The following STK3 variants were observed in gnomAD, a reference collection of about 807,000 sequenced individuals.
STK3 encodes serine/threonine kinase 3, also known as serine/threonine-protein kinase 3.
In STK3, 41 loss-of-function variants were observed where a neutral mutation model predicts 58.0. The ratio of observed to expected loss-of-function variants is 0.71; its 90% confidence interval spans 0.55 to 0.92. STK3 has a LOEUF of 0.92. STK3 is among the 40% of genes least tolerant of loss of function. The pLI, the probability that STK3 is intolerant of heterozygous loss-of-function variation, is 0.00. For synonymous variants in STK3, 170 were observed against 191.0 expected (o/e 0.89, Z 0.91); for missense variants, 479 against 602.7 (o/e 0.79, Z 2.15).
At chr8:98,871,191 C>G (rs990970295) in intron 3 of STK3, among the ~76,000 whole-genome samples, 1 of 152,114 alleles carries the variant, frequency 6.6e-6, no homozygotes, top group Non-Finnish European at 1.5e-5. Context: ...CTATTCTGTT[C>G]CATTGGTCCA....
At chr8:98,907,365 T>A (rs185089569) in intron 1 of STK3, among the ~76,000 whole-genome samples, 6 of 151,928 alleles carry the variant, frequency 3.9e-5, no homozygotes, top group Non-Finnish European at 7.4e-5. Flanking sequence ...TACAAAAAAA[T>A]TAGCCAGGCG....
chr8:98,657,988 C>G (rs533329628), intron 6 of STK3, among the ~76,000 whole-genome samples: 7 of 152,004 alleles, frequency 4.6e-5, no homozygotes, highest in African/African-American at 1.7e-4. Context: ...TTAGGAGAAT[C>G]AGTATATTGC....
At chr8:98,459,426 G>A (rs1586610829) in intron 10 of STK3, among the ~76,000 whole-genome samples, 1 of 152,224 alleles carries the variant, frequency 6.6e-6, no homozygotes. Flanking sequence ...AAGGGAAGCA[G>A]AGCATAAAAG....
intron 3 of STK3, among the ~76,000 whole-genome samples, chr8:98,860,382 G>A (rs1429791272): frequency 6.6e-6 from 1 of 152,182 alleles, no homozygotes; most frequent in Non-Finnish European, 1.5e-5. Flanking sequence ...CGCCCAAGAA[G>A]AGCTTTCTAG....
chr8:98,605,882 A>G (rs779643123), intron 6 of STK3, among the ~76,000 whole-genome samples: 1 of 152,100 alleles, frequency 6.6e-6, no homozygotes, highest in Non-Finnish European at 1.5e-5. Context: ...GTGGTTGTTA[A>G]AAGTGTGTAG....
intron 1 of STK3, among the ~76,000 whole-genome samples, chr8:98,889,096 A>G (rs777624489): frequency 6.6e-5 from 10 of 152,326 alleles, no homozygotes; most frequent in South Asian, 2.1e-4. Context: ...CAGACAAATT[A>G]CATCAAAACA....
chr8:98,856,970 A>G (rs1836708086), intron 3 of STK3, among the ~76,000 whole-genome samples: 1 of 152,246 alleles, frequency 6.6e-6, no homozygotes. Flanking sequence ...ACTACATACC[A>G]TAGGATTCCA....
chr8:98,760,010 T>C (rs1217486412), intron 3 of STK3, among the ~76,000 whole-genome samples: 6 of 151,934 alleles, frequency 3.9e-5, no homozygotes, highest in Non-Finnish European at 8.8e-5. Flanking sequence ...ATTGTTATAC[T>C]GCATTGGTTT....
intron 1 of STK3, among the ~76,000 whole-genome samples, chr8:98,939,353 AAC>A (rs77669927): frequency 0.05 from 7,544 of 151,336 alleles, 209 homozygotes; most frequent in African/African-American, 0.07. Flanking sequence ...GGCTTGCTCA[AAC>A]ACAGATTGCC....
At chr8:98,520,949 C>T (rs1011409140) in intron 10 of STK3, among the ~76,000 whole-genome samples, 2 of 152,094 alleles carry the variant, frequency 1.3e-5, no homozygotes, top group African/African-American at 2.4e-5. Flanking sequence ...TCTCTTTGCC[C>T]CTCTTACACC....
intron 3 of STK3, among the ~76,000 whole-genome samples, chr8:98,850,079 G>A (rs774246805): frequency 2.0e-5 from 3 of 151,824 alleles, no homozygotes; most frequent in Non-Finnish European, 2.9e-5. Context: ...TCATTTATTC[G>A]GTTTTCTGCA....
exon 2 of STK3, chr8:98,883,819 A>C: frequency 1.5e-6 from 1 of 679,644 alleles, no homozygotes; most frequent in South Asian, 1.6e-5. Flanking sequence ...TTCCTGAAGA[A>C]GGGACATTGA....
At chr8:98,666,581 A>T (rs1320877059) in intron 6 of STK3, among the ~76,000 whole-genome samples, 2 of 152,216 alleles carry the variant, frequency 1.3e-5, no homozygotes, top group Non-Finnish European at 2.9e-5. Flanking sequence ...CAATTCTTTA[A>T]AAGTAAACCA....
At chr8:98,715,923 G>A (rs370063377) in intron 4 of STK3, among the ~76,000 whole-genome samples, 67 of 151,966 alleles carry the variant, frequency 4.4e-4, no homozygotes, top group African/African-American at 1.3e-3. Context: ...AAAATGTGGC[G>A]CATATACACC....
chr8:98,878,699 T>C (rs529587069), intron 3 of STK3, among the ~76,000 whole-genome samples: 1 of 152,196 alleles, frequency 6.6e-6, no homozygotes, highest in South Asian at 2.1e-4. Flanking sequence ...TCACCATTGC[T>C]CCATTTGTAA....
chr8:98,827,687 C>A (rs984368347), upstream of STK3, among the ~76,000 whole-genome samples: 3 of 152,086 alleles, frequency 2.0e-5, no homozygotes, highest in Admixed American at 2.0e-4. Context: ...GACAGGTTCT[C>A]ACTGTTCCCC....
In STK3 at chr8:98,749,373, T is replaced by C. The variant is rs906166047; in HGVS notation, c.254A>G (p.Tyr85Cys). ...QQCDSPYVVK[Y>C]YGSYFKNTDL... Reference sequence around the variant, plus strand: ...TGTATTCTTAAAATAACTGCCATAGTACTTTACAACATATGGGCTAAAGGA... The same window carrying C: ...TGTATTCTTAAAATAACTGCCATAGCACTTTACAACATATGGGCTAAAGGA... Residue 85 changes from tyrosine to cysteine, a missense_variant, in exon 4 of 11, where the codon TAC (tyrosine) becomes TGC (cysteine). Coordinates refer to ENST00000419617, the MANE Select transcript of STK3 (RefSeq NM_006281.4). 6.3e-7 allele frequency: 1 copy of C among 1,587,914 alleles called. No homozygotes were observed. The highest frequency in any genetic ancestry group is 1.3e-5 in the African/African-American group (1 of 74,262).
intron 6 of STK3, among the ~76,000 whole-genome samples, chr8:98,637,037 A>C (rs1819675736): frequency 6.6e-6 from 1 of 151,668 alleles, no homozygotes; most frequent in African/African-American, 2.4e-5. Flanking sequence ...CCATGACTTA[A>C]TATACATCAT....
chr8:98,637,802 G>C (rs1281386909), intron 6 of STK3, among the ~76,000 whole-genome samples: 3 of 151,970 alleles, frequency 2.0e-5, no homozygotes, highest in Non-Finnish European at 2.9e-5. Context: ...AAAAAAAGAT[G>C]GTCTAAAGCT....
Sources: gnomAD v4.1 joint callset for allele counts (sites outside exome capture counted in the v4.1 genomes callset) on GRCh38, gnomAD v4.1.1 for gene constraint, MANE v1.5 for transcripts, NCBI Gene and HGNC (gene_info 2026-07-23, HGNC 2026-07-21) for gene names.